Variants in PDE10A observed in about 807,000 individuals in gnomAD.
PDE10A encodes the protein cAMP and cAMP-inhibited cGMP 3',5'-cyclic phosphodiesterase 10A.
A neutral mutation model predicts 97.7 loss-of-function variants in PDE10A; 39 were observed. The ratio of observed to expected loss-of-function variants is 0.40; its 90% CI spans 0.31 to 0.52. PDE10A has a LOEUF of 0.52. PDE10A is among the 20% of genes least tolerant of loss of function. The pLI is 0.56. For missense variants in PDE10A, 731 were observed against 1,047.8 expected (o/e 0.70, Z 4.17); for synonymous variants, 371 against 376.8 (o/e 0.98, Z 0.18).
chr6:165,697,048 G>A (rs1791459830), intron 1 of PDE10A, among the ~76,000 whole-genome samples: 1 of 152,088 alleles, frequency 6.6e-6, no homozygotes, highest in Non-Finnish European at 1.5e-5. Flanking sequence ...GGAAAGAGAG[G>A]TGCCATTAAA....
intron 1 of PDE10A, among the ~76,000 whole-genome samples, chr6:165,559,601 A>C (rs920125658): frequency 6.6e-6 from 1 of 152,202 alleles, no homozygotes; most frequent in African/African-American, 2.4e-5. Flanking sequence ...ATTCAAAACC[A>C]CCAATATAGT....
At chr6:165,466,663 T>C (rs2128265501) in intron 3 of PDE10A, among the ~76,000 whole-genome samples, 1 of 152,322 alleles carries the variant, frequency 6.6e-6, no homozygotes, top group South Asian at 2.1e-4. Context: ...TAAGGTGATC[T>C]ACAGTCAGTG....
At chr6:165,433,187 T>C (rs1789724261) in intron 6 of PDE10A, 58 bp from the exon 7 acceptor site, 1 of 1,305,704 alleles carries the variant, frequency 7.7e-7, no homozygotes, top group South Asian at 1.3e-5. Context: ...TAAGTGATGA[T>C]TCTTATTTCT....
At chr6:165,544,820 A>AACAC (rs35620564) in intron 1 of PDE10A, among the ~76,000 whole-genome samples, 67 of 150,110 alleles carry the variant, frequency 4.5e-4, no homozygotes, top group South Asian at 3.8e-3. Flanking sequence ...AGTCAATTTA[A>AACAC]ACACACACAC....
Position 165,798,687 on chromosome 6 carries a change from A to G in PDE10A, c.-615+188842T>C, listed in dbSNP as rs1259270461. Among the ~76,000 whole-genome samples the G allele has an allele frequency of 2.0e-5, 3 of 151,092 alleles. No individual in the cohort carries two copies. In the East Asian group the frequency reaches 5.8e-4, roughly 29 times the overall value. ...AGATAATGTTTTAATGATATTAATC[A>G]TCGAGGTTAAATTTAAACCAATCAC... On this transcript the variant is annotated intron_variant, in intron 1 of 19. Transcript: ENST00000366882.
chr6:165,652,948 C>T (rs1330711049), intron 1 of PDE10A, among the ~76,000 whole-genome samples: 1 of 152,206 alleles, frequency 6.6e-6, no homozygotes, highest in Non-Finnish European at 1.5e-5. Flanking sequence ...AGGGTGGCTG[C>T]TCCACGCCAA....
At chr6:165,808,307 C>T (rs747992797) in intron 1 of PDE10A, among the ~76,000 whole-genome samples, 2 of 152,218 alleles carry the variant, frequency 1.3e-5, no homozygotes, top group Non-Finnish European at 2.9e-5. Context: ...TGGTCCTCCT[C>T]CCAGAAGTCA....
intron 11 of PDE10A, among the ~76,000 whole-genome samples, chr6:165,416,863 A>C (rs220747): frequency 0.24 from 36,636 of 152,104 alleles, 5,038 homozygotes; most frequent in African/African-American, 0.37. Flanking sequence ...ATTTTTACCT[A>C]ATTTGTTAAA....
intron 1 of PDE10A, among the ~76,000 whole-genome samples, chr6:165,778,190 T>TCAGC (rs1401552834): frequency 6.6e-6 from 1 of 152,070 alleles, no homozygotes; most frequent in East Asian, 1.9e-4. Context: ...TTCTCCTGCC[T>TCAGC]CTCCCGAGTA....
intron 1 of PDE10A, among the ~76,000 whole-genome samples, chr6:165,733,093 C>T (rs748364973): frequency 3.3e-5 from 5 of 152,218 alleles, no homozygotes; most frequent in Non-Finnish European, 7.3e-5. Flanking sequence ...CGTGTGTTTA[C>T]ATACCCAATG....
At chr6:165,809,814 G>A (rs770969846) in intron 1 of PDE10A, among the ~76,000 whole-genome samples, 2 of 152,182 alleles carry the variant, frequency 1.3e-5, no homozygotes, top group Admixed American at 6.5e-5. Flanking sequence ...TGGAACGGGC[G>A]GCATCAGGGA....
chr6:165,988,048 C>T (rs928471950), upstream of PDE10A: 3 of 447,526 alleles, frequency 6.7e-6, no homozygotes, highest in African/African-American at 2.0e-5. Flanking sequence ...ACGACTCTCC[C>T]GGCTGCCCGG....
At chr6:165,956,699 CA>C (rs1298898108) in intron 1 of PDE10A, among the ~76,000 whole-genome samples, 6 of 152,158 alleles carry the variant, frequency 3.9e-5, no homozygotes, top group Non-Finnish European at 8.8e-5. Context: ...ACTATTAATA[CA>C]AGGAGCTGGT....
intron 1 of PDE10A, among the ~76,000 whole-genome samples, chr6:165,892,977 G>A (rs1023084234): frequency 4.6e-5 from 7 of 152,150 alleles, no homozygotes; most frequent in Admixed American, 2.6e-4. Flanking sequence ...TCCTCTTCTC[G>A]TTGTTCTGGG....
chr6:165,821,400 C>A (rs909572066), intron 1 of PDE10A, among the ~76,000 whole-genome samples: 1 of 152,172 alleles, frequency 6.6e-6, no homozygotes, highest in Non-Finnish European at 1.5e-5. Flanking sequence ...AGTGATGAAG[C>A]ATTTGATATT....
At chr6:165,942,620 G>GT (rs1415017141) in intron 1 of PDE10A, among the ~76,000 whole-genome samples, 1 of 152,120 alleles carries the variant, frequency 6.6e-6, no homozygotes, top group Non-Finnish European at 1.5e-5. Context: ...CCCTTGCCTT[G>GT]TCTGCTCCCA....
chr6:165,754,107 A>G (rs1454933826), intron 1 of PDE10A: 1 of 152,198 alleles, frequency 6.6e-6, no homozygotes, highest in Non-Finnish European at 1.5e-5. Context: ...CTGTGTAGTT[A>G]CCTGATGTGC....
chr6:165,704,599 T>C (rs1157802661), intron 1 of PDE10A, among the ~76,000 whole-genome samples: 1 of 152,036 alleles, frequency 6.6e-6, no homozygotes, highest in Non-Finnish European at 1.5e-5. Flanking sequence ...ACCAATGTGT[T>C]GACCATTAAA....
chr6:165,776,925 T>A (rs1778201650), intron 1 of PDE10A, among the ~76,000 whole-genome samples: 1 of 152,216 alleles, frequency 6.6e-6, no homozygotes, highest in South Asian at 2.1e-4. Context: ...GAAGCTTTTC[T>A]CTTCCTGGAA....
Sources: gnomAD v4.1 joint callset for allele counts (sites outside exome capture counted in the v4.1 genomes callset) on GRCh38, gnomAD v4.1.1 for gene constraint, MANE v1.5 for transcripts, NCBI Gene and HGNC (gene_info 2026-07-23, HGNC 2026-07-21) for gene names.